The following SCHIP1 variants were observed in gnomAD, a reference collection of about 807,000 sequenced individuals.
The protein encoded by SCHIP1 is schwannomin interacting protein 1.
In SCHIP1, 8 loss-of-function variants were observed where a neutral mutation model predicts 29.7. The observed-to-expected ratio is 0.27, with a 90% CI of 0.16 to 0.49. The LOEUF is 0.49. Ranked by LOEUF, SCHIP1 falls within the 20% of genes least tolerant of loss-of-function variation. The pLI is 0.99. For missense variants in SCHIP1, 193 were observed against 294.6 expected (o/e 0.66, Z 2.52); for synonymous variants, 76 against 94.9 (o/e 0.80, Z 1.16).
chr3:159,403,759 G>A, the SCHIP1 span, among the ~76,000 whole-genome samples: 1 of 152,176 alleles, frequency 6.6e-6, no homozygotes, highest in South Asian at 2.1e-4. Context: ...ATGATGTTCT[G>A]GCTTGAAGCC....
the SCHIP1 span, among the ~76,000 whole-genome samples, chr3:159,668,605 G>T: frequency 6.6e-6 from 1 of 152,054 alleles, no homozygotes; most frequent in African/African-American, 2.4e-5. Flanking sequence ...AAGATCACAC[G>T]CTCTGCTGGG....
the SCHIP1 span, among the ~76,000 whole-genome samples, chr3:159,621,577 TAAC>T: frequency 3.3e-5 from 5 of 152,346 alleles, no homozygotes; most frequent in African/African-American, 4.8e-5. Context: ...TCTAATAATA[TAAC>T]AACTATATAT....
chr3:159,349,564 G>C, the SCHIP1 span, among the ~76,000 whole-genome samples: 1 of 152,100 alleles, frequency 6.6e-6, no homozygotes, highest in Non-Finnish European at 1.5e-5. Flanking sequence ...ATGGGTAAAG[G>C]TTCAGAAAAT....
the SCHIP1 span, among the ~76,000 whole-genome samples, chr3:159,444,391 A>G: frequency 6.6e-6 from 1 of 152,162 alleles, no homozygotes; most frequent in Non-Finnish European, 1.5e-5. Context: ...TTGTATACAC[A>G]AGAACCATCT....
chr3:159,869,558 T>A (rs1028693896), intron 2 of SCHIP1, among the ~76,000 whole-genome samples: 1 of 151,958 alleles, frequency 6.6e-6, no homozygotes, highest in African/African-American at 2.4e-5. Context: ...TATATTCTAT[T>A]TTATTATTGT....
chr3:159,837,110 C>T (rs1560075451), upstream of SCHIP1, among the ~76,000 whole-genome samples: 1 of 145,270 alleles, frequency 6.9e-6, no homozygotes. Flanking sequence ...CATGTTTAGA[C>T]TTTTTTTTTT....
At chr3:159,814,001 C>G in the SCHIP1 span, among the ~76,000 whole-genome samples, 2 of 152,178 alleles carry the variant, frequency 1.3e-5, no homozygotes, top group African/African-American at 4.8e-5. Context: ...TGTTGTCAGG[C>G]AGCCCAGATC....
chr3:159,892,972 TAG>T (rs1717691300), intron 6 of SCHIP1: 1 of 152,244 alleles, frequency 6.6e-6, no homozygotes, highest in Admixed American at 6.5e-5. Context: ...AAACAGTATT[TAG>T]AGAGTAGAAG....
At chr3:159,489,136 TTAATCATGCAATAGTTTTGTG>T in the SCHIP1 span, among the ~76,000 whole-genome samples, 2 of 152,236 alleles carry the variant, frequency 1.3e-5, no homozygotes, top group Non-Finnish European at 2.9e-5. Context: ...ATCTTTTATT[TTAATCATGCAATAGTTTTGTG>T]TATCTTCTTT....
chr3:159,843,259 C>T (rs1195174084), intron 1 of SCHIP1, among the ~76,000 whole-genome samples: 1 of 151,760 alleles, frequency 6.6e-6, no homozygotes, highest in East Asian at 1.9e-4. Context: ...GTGATCTGCC[C>T]GCCTTGGCCT....
chr3:159,752,593 G>A, the SCHIP1 span, among the ~76,000 whole-genome samples: 3 of 152,132 alleles, frequency 2.0e-5, no homozygotes, highest in African/African-American at 7.2e-5. Context: ...GTGGGAGTGA[G>A]GTGTCTCGCA....
At chr3:159,577,470 C>T in the SCHIP1 span, among the ~76,000 whole-genome samples, 4 of 152,158 alleles carry the variant, frequency 2.6e-5, no homozygotes, top group Non-Finnish European at 4.4e-5. Flanking sequence ...AGAAAAGATG[C>T]TGGTTATTGT....
the SCHIP1 span, among the ~76,000 whole-genome samples, chr3:159,436,101 G>C: frequency 1.3e-5 from 2 of 152,138 alleles, no homozygotes. Context: ...CTCTACAGGT[G>C]TGGTCACCCA....
the SCHIP1 span, among the ~76,000 whole-genome samples, chr3:159,313,218 T>C: frequency 6.6e-6 from 1 of 152,182 alleles, no homozygotes; most frequent in Non-Finnish European, 1.5e-5. Context: ...CTAGAAGAGT[T>C]GAGGAAATTA....
chr3:159,633,316 G>A, the SCHIP1 span, among the ~76,000 whole-genome samples: 2 of 152,176 alleles, frequency 1.3e-5, no homozygotes, highest in Admixed American at 6.5e-5. Context: ...GCCAGAGGGT[G>A]ACATGTATTA....
At chr3:159,859,080 T>C (rs1173012165) in intron 1 of SCHIP1, among the ~76,000 whole-genome samples, 1 of 152,230 alleles carries the variant, frequency 6.6e-6, no homozygotes, top group African/African-American at 2.4e-5. Context: ...TTTTAACTTA[T>C]ATTTACTTCC....
chr3:159,873,994 T>G (rs1176201342), intron 2 of SCHIP1, among the ~76,000 whole-genome samples: 5 of 152,204 alleles, frequency 3.3e-5, no homozygotes, highest in African/African-American at 1.2e-4. Flanking sequence ...ATTAAAGGAA[T>G]AGAAACAGGC....
the SCHIP1 span, among the ~76,000 whole-genome samples, chr3:159,661,201 GCAA>G: frequency 6.6e-6 from 1 of 152,134 alleles, no homozygotes; most frequent in Non-Finnish European, 1.5e-5. Context: ...GAGTCAGAAA[GCAA>G]CTCCTTTCTG....
the SCHIP1 span, among the ~76,000 whole-genome samples, chr3:159,356,274 C>T: frequency 6.6e-6 from 1 of 152,052 alleles, no homozygotes; most frequent in African/African-American, 2.4e-5. Flanking sequence ...TCCTATGCTA[C>T]ACCTTGAATA....
Sources: gnomAD v4.1 joint callset for allele counts (sites outside exome capture counted in the v4.1 genomes callset) on GRCh38, gnomAD v4.1.1 for gene constraint, MANE v1.5 for transcripts, NCBI Gene and HGNC (gene_info 2026-07-23, HGNC 2026-07-21) for gene names.